The following KANTR variants were observed in gnomAD, a reference collection of about 807,000 sequenced individuals.
KANTR encodes the protein KANTR integral membrane protein, also known as KDM5C adjacent transcript.
At chrX:53,145,450 T>G (rs1933560701), downstream of KANTR, among the ~76,000 whole-genome samples, 1 of 111,755 alleles carries the variant, frequency 8.9e-6, no homozygotes, top group African/African-American at 3.2e-5. Context: ...GCAGCGAGGC[T>G]GGGGGAGGGG....
At chrX:53,145,959 TAACA>T (rs1367167568), downstream of KANTR, among the ~76,000 whole-genome samples, 5 of 111,808 alleles carry the variant, frequency 4.5e-5, no homozygotes, top group African/African-American at 9.8e-5. Flanking sequence ...GAAGGAAAAC[TAACA>T]AACAGAAAGG....
At chrX:53,108,286 C>T (rs1406319688) in intron 2 of KANTR, among the ~76,000 whole-genome samples, 2 of 109,372 alleles carry the variant, frequency 1.8e-5, no homozygotes, top group Non-Finnish European at 3.8e-5. Flanking sequence ...ACTGCAACCT[C>T]CACCTCCCGG....
chrX:53,142,465 G>A, exon 3 of KANTR: 1 of 212,031 alleles, frequency 4.7e-6, no homozygotes, highest in South Asian at 6.3e-5. Flanking sequence ...ATAGGCGAAT[G>A]CCACCATGCC....
At chrX:53,143,373 C>T (rs1280960702), downstream of KANTR, 58 of 741,505 alleles carry the variant, frequency 7.8e-5, no homozygotes, top group Admixed American at 2.5e-4. Flanking sequence ...CCTGGCCAGC[C>T]AGGTCCAGAC....
exon 3 of KANTR, chrX:53,127,427 G>A (rs1441839900): frequency 1.8e-5 from 2 of 112,134 alleles, no homozygotes; most frequent in Non-Finnish European, 3.8e-5. Context: ...AATATTTGTG[G>A]AATAAACTGA....
At chrX:53,105,862 T>C (rs1291788312) in intron 2 of KANTR, among the ~76,000 whole-genome samples, 7 of 89,481 alleles carry the variant, frequency 7.8e-5, no homozygotes, top group Admixed American at 6.1e-4. Context: ...TTCTTTTTTT[T>C]TTTTTTTTTT....
downstream of KANTR, among the ~76,000 whole-genome samples, chrX:53,131,266 G>A (rs143295947): frequency 3.4e-3 from 375 of 111,638 alleles, 1 homozygote; most frequent in Middle Eastern, 9.1e-3. Flanking sequence ...GATATGAACA[G>A]GCAGAGTGGG....
chrX:53,142,561 G>A (rs1602130111), exon 3 of KANTR: 7 of 274,632 alleles, frequency 2.5e-5, no homozygotes, highest in Admixed American at 1.2e-4. Flanking sequence ...TGATCCACCC[G>A]TCTCGGCCTC....
chrX:53,109,564 G>A (rs1048420756), intron 2 of KANTR, among the ~76,000 whole-genome samples: 27 of 110,599 alleles, frequency 2.4e-4, no homozygotes, highest in Non-Finnish European at 4.9e-4. Flanking sequence ...GATTACAGGC[G>A]TGAGCCACTA....
chrX:53,112,695 T>G (rs1933060613), intron 2 of KANTR, among the ~76,000 whole-genome samples: 1 of 111,074 alleles, frequency 9.0e-6, no homozygotes, highest in Non-Finnish European at 1.9e-5. Context: ...AGTTTGATTC[T>G]ATGTTTCTGT....
At chrX:53,133,615 G>T (rs1933385367) in intron 2 of KANTR, among the ~76,000 whole-genome samples, 1 of 111,709 alleles carries the variant, frequency 9.0e-6, no homozygotes, top group African/African-American at 3.3e-5. Flanking sequence ...CAGCACTGCA[G>T]CTGCCTGGAG....
At chrX:53,132,410 A>G (rs945305087), downstream of KANTR, among the ~76,000 whole-genome samples, 1 of 112,064 alleles carries the variant, frequency 8.9e-6, no homozygotes, top group Non-Finnish European at 1.9e-5. Flanking sequence ...AAGAATATGA[A>G]CAAGCAATTT....
downstream of KANTR, among the ~76,000 whole-genome samples, chrX:53,147,687 C>A (rs1249987779): frequency 9.0e-6 from 1 of 111,333 alleles, no homozygotes; most frequent in African/African-American, 3.3e-5. Context: ...CCACACCACA[C>A]CTATTCCAAA....
At chrX:53,143,471 A>G, downstream of KANTR, 1 of 590,734 alleles carries the variant, frequency 1.7e-6, no homozygotes, top group Admixed American at 2.3e-5. Context: ...AGTGCCAGTG[A>G]TGCGCCCAGA....
At chrX:53,101,570 A>T (rs1395780687) in intron 2 of KANTR, among the ~76,000 whole-genome samples, 1 of 112,524 alleles carries the variant, frequency 8.9e-6, no homozygotes, top group African/African-American at 3.2e-5. Context: ...GGGAGGCCTG[A>T]GGAGAGGGAG....
At chrX:53,143,205 T>C (rs782446377), downstream of KANTR, 156 of 704,611 alleles carry the variant, frequency 2.2e-4, no homozygotes, top group Non-Finnish European at 3.4e-4. Flanking sequence ...AGGCAGCTCA[T>C]AGCTCTTCTC....
chrX:53,134,223 G>A (rs782273310), intron 2 of KANTR, among the ~76,000 whole-genome samples: 43 of 110,863 alleles, frequency 3.9e-4, no homozygotes, highest in Non-Finnish European at 7.2e-4. Flanking sequence ...TTAGCCGGAC[G>A]TGGTGGCATG....
At chrX:53,141,677 AT>A (rs1449212033) in intron 2 of KANTR, among the ~76,000 whole-genome samples, 2 of 65,446 alleles carry the variant, frequency 3.1e-5, no homozygotes, top group Admixed American at 4.4e-4. Context: ...CTATTATTGG[AT>A]TTTTTTTTAA....
At chrX:53,104,266 A>G (rs1222008136) in intron 2 of KANTR, among the ~76,000 whole-genome samples, 1 of 110,621 alleles carries the variant, frequency 9.0e-6, no homozygotes, top group Non-Finnish European at 1.9e-5. Flanking sequence ...TCGCTCTGTC[A>G]CCCAAGCTGG....
Sources: allele counts gnomAD v4.1 joint callset (sites outside exome capture counted in the v4.1 genomes callset), GRCh38; gene constraint gnomAD v4.1.1; transcripts MANE v1.5; gene names NCBI Gene and HGNC (gene_info 2026-07-23, HGNC 2026-07-21).